The following RANBP2 variants were observed in gnomAD, a reference collection of about 807,000 sequenced individuals.
RANBP2 encodes the protein RAN binding protein 2.
A neutral mutation model predicts 303.6 loss-of-function variants in RANBP2; 57 were observed. The observed-to-expected ratio is 0.19, with a 90% CI of 0.15 to 0.23. The LOEUF (loss-of-function observed/expected upper bound fraction) is 0.23, where lower values mean the gene tolerates loss of function less well. Among genes scored for constraint, RANBP2 ranks in the 10% least tolerant of loss-of-function variants. RANBP2 has a pLI of 1.00. For missense variants in RANBP2, 3,138 were observed against 3,780.8 expected (o/e 0.83, Z 4.46); for synonymous variants, 1,167 against 1,301.5 (o/e 0.90, Z 2.23).
the RANBP2 span, among the ~76,000 whole-genome samples, chr2:109,195,746 C>T: frequency 1.3e-4 from 20 of 152,230 alleles, no homozygotes; most frequent in African/African-American, 3.1e-4. Context: ...TCTGATAAGG[C>T]GTTTAAAAAT....
At chr2:109,361,250 C>T in the RANBP2 span, among the ~76,000 whole-genome samples, 17 of 152,108 alleles carry the variant, frequency 1.1e-4, no homozygotes, top group African/African-American at 3.6e-4. Context: ...AGGATATTTG[C>T]GTTTATGTTC....
chr2:109,396,456 C>G, the RANBP2 span, among the ~76,000 whole-genome samples: 1 of 152,208 alleles, frequency 6.6e-6, no homozygotes, highest in Non-Finnish European at 1.5e-5. Flanking sequence ...GCAGCTGGAA[C>G]CTGCAGCCAC....
At chr2:108,902,502 T>C in the RANBP2 span, among the ~76,000 whole-genome samples, 1 of 152,184 alleles carries the variant, frequency 6.6e-6, no homozygotes, top group African/African-American at 2.4e-5. Flanking sequence ...TTTCTAGACA[T>C]AGAAAAGGAA....
At position 108,768,341 on chromosome 2, in the gene RANBP2, C is replaced by A. The variant is rs765855921; in HGVS notation, c.7802C>A (p.Pro2601Gln). ...GTCAAAAATCTCTTTGCTTCCTTTCCAACGGAAGAATCTTCAATCAACTAC... is the reference window on the plus strand; with the variant it reads ...GTCAAAAATCTCTTTGCTTCCTTTCAAACGGAAGAATCTTCAATCAACTAC... ...SKVKNLFASF[P>Q]TEESSINYTF... Residue 2601 changes from proline (P) to glutamine (Q), a missense_variant, in exon 20 of 29, where the codon CCA becomes CAA. Coordinates refer to ENST00000283195, the MANE Select transcript of RANBP2 (RefSeq NM_006267.5). 1 of 1,611,766 alleles carries A rather than the reference C, an allele frequency of 6.2e-7. No homozygotes were observed. The highest frequency in any genetic ancestry group is 8.5e-7 in the Non-Finnish European group (1 of 1,179,852).
the RANBP2 span, among the ~76,000 whole-genome samples, chr2:108,824,527 T>G: frequency 5.3e-5 from 8 of 152,170 alleles, no homozygotes; most frequent in Admixed American, 3.9e-4. Context: ...AGCTATCAGC[T>G]CCTATGATAA....
At chr2:108,853,953 AAT>A in the RANBP2 span, among the ~76,000 whole-genome samples, 1 of 120,824 alleles carries the variant, frequency 8.3e-6, no homozygotes, top group Non-Finnish European at 1.6e-5. Flanking sequence ...ATATACAATA[AAT>A]ATATATAATA....
chr2:108,990,849 G>C, the RANBP2 span, among the ~76,000 whole-genome samples: 4 of 152,172 alleles, frequency 2.6e-5, no homozygotes, highest in African/African-American at 4.8e-5. Context: ...ATAAATTAAA[G>C]TCACTGAAAT....
intron 7 of RANBP2, among the ~76,000 whole-genome samples, chr2:108,744,779 A>T (rs1446838084): frequency 1.3e-5 from 2 of 152,254 alleles, no homozygotes; most frequent in African/African-American, 4.8e-5. Context: ...TCTTAAGAAT[A>T]TGCTATGAAG....
the RANBP2 span, among the ~76,000 whole-genome samples, chr2:109,285,712 G>T: frequency 6.6e-6 from 1 of 152,232 alleles, no homozygotes; most frequent in East Asian, 1.9e-4. Flanking sequence ...TTTTGCATCT[G>T]TCCCTGAGCC....
the RANBP2 span, among the ~76,000 whole-genome samples, chr2:109,243,390 T>A: frequency 3.9e-5 from 6 of 152,248 alleles, no homozygotes; most frequent in Admixed American, 3.3e-4. Context: ...GGGCACATGC[T>A]GGAGTGCCTG....
At chr2:109,445,342 G>A in the RANBP2 span, among the ~76,000 whole-genome samples, 1 of 152,332 alleles carries the variant, frequency 6.6e-6, no homozygotes, top group Non-Finnish European at 1.5e-5. Context: ...AAAGAGTGCT[G>A]AGTAGGAAAA....
At chr2:109,299,675 G>A in the RANBP2 span, among the ~76,000 whole-genome samples, 1 of 152,122 alleles carries the variant, frequency 6.6e-6, no homozygotes, top group Non-Finnish European at 1.5e-5. Context: ...GAACCTAAAA[G>A]CCAGTTCTGC....
the RANBP2 span, among the ~76,000 whole-genome samples, chr2:108,866,919 A>G: frequency 4.6e-5 from 7 of 151,992 alleles, no homozygotes; most frequent in African/African-American, 1.7e-4. Context: ...ATATTACCTT[A>G]TTATAAATTC....
chr2:109,485,670 C>G, the RANBP2 span, among the ~76,000 whole-genome samples: 16 of 152,244 alleles, frequency 1.1e-4, no homozygotes, highest in Non-Finnish European at 7.3e-5. Flanking sequence ...CTAGATGATT[C>G]TTTAAAGTGG....
chr2:108,987,410 C>T, the RANBP2 span, among the ~76,000 whole-genome samples: 22 of 152,262 alleles, frequency 1.4e-4, no homozygotes, highest in South Asian at 2.1e-3. Flanking sequence ...GTTGGGCTGC[C>T]GCCCAATGGC....
chr2:109,646,979 A>T, the RANBP2 span, among the ~76,000 whole-genome samples: 2 of 152,004 alleles, frequency 1.3e-5, no homozygotes, highest in Non-Finnish European at 2.9e-5. Flanking sequence ...TCACTACCTC[A>T]ATGTTCTATG....
chr2:108,914,436 C>T, the RANBP2 span, among the ~76,000 whole-genome samples: 3 of 152,130 alleles, frequency 2.0e-5, no homozygotes, highest in East Asian at 3.9e-4. Flanking sequence ...AGTTTCAGAG[C>T]AAGGTGTGCT....
At chr2:108,960,894 C>G in the RANBP2 span, among the ~76,000 whole-genome samples, 1 of 152,126 alleles carries the variant, frequency 6.6e-6, no homozygotes, top group Admixed American at 6.5e-5. Context: ...GTGGATGTAC[C>G]AAGAGTATCC....
chr2:108,798,427 G>T, the RANBP2 span: 1 of 1,611,008 alleles, frequency 6.2e-7, no homozygotes, highest in Non-Finnish European at 8.5e-7. Context: ...TTTTGATACA[G>T]TGTGAAACTG....
Sources: gnomAD v4.1 joint callset for allele counts (sites outside exome capture counted in the v4.1 genomes callset) on GRCh38, gnomAD v4.1.1 for gene constraint, MANE v1.5 for transcripts, NCBI Gene and HGNC (gene_info 2026-07-23, HGNC 2026-07-21) for gene names.